The following MSH4 variants were observed in gnomAD, a reference collection of about 807,000 sequenced individuals.
The protein encoded by MSH4 is mutS homolog 4.
A neutral mutation model predicts 113.7 loss-of-function variants in MSH4; 106 were observed. The ratio of observed to expected loss-of-function variants is 0.93; its 90% CI spans 0.80 to 1.10. MSH4 has a LOEUF of 1.10. Ranked by LOEUF, MSH4 falls within the 50% of genes least tolerant of loss-of-function variation. MSH4 has a pLI of 0.00. For synonymous variants in MSH4, 368 were observed against 380.2 expected (o/e 0.97, Z 0.37); for missense variants, 1,061 against 1,093.7 (o/e 0.97, Z 0.42).
At chr1:75,811,504 G>C (rs1344248198) in intron 4 of MSH4, among the ~76,000 whole-genome samples, 1 of 152,158 alleles carries the variant, frequency 6.6e-6, no homozygotes, top group Admixed American at 6.5e-5. Flanking sequence ...GAAGTTCTTA[G>C]GGGATAGCAG....
intron 14 of MSH4, among the ~76,000 whole-genome samples, chr1:75,883,126 C>G (rs1651971949): frequency 6.6e-6 from 1 of 151,756 alleles, no homozygotes; most frequent in African/African-American, 2.4e-5. Context: ...TATCTCAACC[C>G]CACAAGTAGC....
intron 8 of MSH4, among the ~76,000 whole-genome samples, chr1:75,865,762 T>G (rs1651549579): frequency 6.6e-6 from 1 of 152,194 alleles, no homozygotes; most frequent in Non-Finnish European, 1.5e-5. Flanking sequence ...AAAAGTTAAT[T>G]AGAACACACA....
In MSH4 at chr1:75,806,235, G is replaced by GTT. The variant is rs775023850; in HGVS notation, c.428-717_428-716dup. On this transcript the variant is annotated intron_variant, in intron 2 of 19. Coordinates refer to ENST00000263187, the MANE Select transcript of MSH4 (RefSeq NM_002440.4). ...AATATTTTGATGACTTTTCTGTTTGGTTTTTTTTTTTTTTTTTTTTTTTTT... is the reference window on the plus strand; with the variant it reads ...AATATTTTGATGACTTTTCTGTTTGGTTTTTTTTTTTTTTTTTTTTTTTTTTT... Among the ~76,000 whole-genome samples, 70 of 60,778 alleles carry GTT rather than the reference G, an allele frequency of 1.2e-3. 5 individuals carry two copies. The highest frequency in any genetic ancestry group is 3.3e-3 in the East Asian group (6 of 1,836). The allele number at this position is 60,778 out of a possible 152,430, so 39.9% of individuals were successfully genotyped here. A position where few individuals can be genotyped will look rare whatever the true frequency, so the allele number is the denominator to read the frequency against.
At chr1:75,852,991 T>A (rs1291865991) in intron 8 of MSH4, among the ~76,000 whole-genome samples, 1 of 152,144 alleles carries the variant, frequency 6.6e-6, no homozygotes, top group Non-Finnish European at 1.5e-5. Flanking sequence ...AATTATTACG[T>A]TATACAGAGC....
At chr1:75,885,059 G>GTATGTATATATATATATATATATATATA (rs1652039733) in intron 15 of MSH4, among the ~76,000 whole-genome samples, 1 of 112,562 alleles carries the variant, frequency 8.9e-6, no homozygotes, top group African/African-American at 4.1e-5. Context: ...GTGTGTGTGT[G>GTATGTATATATATATATATATATATATA]TATATATATA....
At chr1:75,813,176 A>G (rs1650224078) in intron 4 of MSH4, among the ~76,000 whole-genome samples, 1 of 152,158 alleles carries the variant, frequency 6.6e-6, no homozygotes. Context: ...AATTCCAGGG[A>G]AGGATGCTGA....
intron 7 of MSH4, among the ~76,000 whole-genome samples, chr1:75,824,288 C>T (rs1650496050): frequency 6.6e-6 from 1 of 152,082 alleles, no homozygotes; most frequent in Non-Finnish European, 1.5e-5. Flanking sequence ...TGAGAAGTGT[C>T]TGTTCATATC....
chr1:75,860,670 G>T (rs1323180806), intron 8 of MSH4, among the ~76,000 whole-genome samples: 1 of 152,182 alleles, frequency 6.6e-6, no homozygotes, highest in Non-Finnish European at 1.5e-5. Flanking sequence ...TGGGTAACCT[G>T]ACCTTTCTCT....
intron 19 of MSH4, among the ~76,000 whole-genome samples, chr1:75,906,239 T>G (rs1231596449): frequency 6.6e-6 from 1 of 150,836 alleles, no homozygotes; most frequent in Admixed American, 6.7e-5. Context: ...GTCTTGTTTT[T>G]TTAATCCATT....
chr1:75,907,684 C>CTCTCTCTCTACATATATATA (rs1307238647), intron 19 of MSH4, among the ~76,000 whole-genome samples: 2 of 46,574 alleles, frequency 4.3e-5, no homozygotes, highest in Non-Finnish European at 7.4e-5. Context: ...CTCTCTCTCT[C>CTCTCTCTCTACATATATATA]TATACATATA....
At chr1:75,829,265 G>A (rs1209267503) in intron 7 of MSH4, among the ~76,000 whole-genome samples, 1 of 152,040 alleles carries the variant, frequency 6.6e-6, no homozygotes, top group African/African-American at 2.4e-5. Context: ...TGAGGCTTGA[G>A]TAGGTAAACA....
intron 2 of MSH4, among the ~76,000 whole-genome samples, chr1:75,805,851 A>T (rs1286787878): frequency 1.3e-5 from 2 of 151,938 alleles, no homozygotes; most frequent in African/African-American, 2.4e-5. Flanking sequence ...TTTAGTAATC[A>T]TCATCATCAT....
At chr1:75,896,002 C>T (rs1353239904) in intron 17 of MSH4, among the ~76,000 whole-genome samples, 6 of 151,990 alleles carry the variant, frequency 3.9e-5, no homozygotes, top group African/African-American at 1.4e-4. Flanking sequence ...TCTGTAAGGG[C>T]ATTTCTGGAT....
rs762562046 is a variant in MSH4, at chr1:75,857,150, G to C, written c.1230+8874G>C. Among the ~76,000 whole-genome samples, 4 of 152,132 alleles carry C rather than the reference G, an allele frequency of 2.6e-5. No individual in the cohort carries two copies. In the South Asian group the frequency reaches 8.3e-4, roughly 32 times the overall value. On this transcript the variant is annotated intron_variant, in intron 8 of 19. Transcript: ENST00000263187. ...TGATGGGGTTGTTTGCTTTTTTCTT[G>C]TAAATTTCTTTAAGTTATTTCTAGA...
At chr1:75,885,540 A>G (rs1487019383) in intron 15 of MSH4, among the ~76,000 whole-genome samples, 1 of 116,980 alleles carries the variant, frequency 8.5e-6, no homozygotes, top group Non-Finnish European at 1.7e-5. Flanking sequence ...ACATTTATAT[A>G]ATGAAGGTAA....
rs562978533 is a variant in MSH4, at chr1:75,814,947, T to C, written c.700-74T>C. 3.7e-5 allele frequency: 28 copies of C among 755,772 alleles called. No individual in the cohort carries two copies. The African/African-American group carries it at 4.7e-4, about 13-fold the overall frequency. The allele number at this position is 755,772 out of a possible 1,614,324, so 46.8% of individuals were successfully genotyped here. On this transcript the variant is annotated intron_variant, in intron 4 of 19. Coordinates refer to ENST00000263187, the MANE Select transcript of MSH4 (RefSeq NM_002440.4). ...CAATATTTAAGCCACTTACCTAGCA[T>C]GTGTTTAAGAAAGCAGTTTTGGGCA...
rs5745474 is a variant in MSH4, at chr1:75,882,124, T to C, written c.1906+754T>C. ...TTCTTATGGAAATATTAACTTTTTC[T>C]ATTGGTATTTTATAGGCCAAAACTT... On this transcript the variant is annotated intron_variant, in intron 14 of 19. Transcript: ENST00000263187. 2.4e-4 allele frequency among the ~76,000 whole-genome samples: 37 copies of C among 152,220 alleles called. No individual in the cohort carries two copies. In the East Asian group the frequency reaches 5.6e-3, roughly 23 times the overall value.
chr1:75,851,246 T>A (rs2100548216), intron 8 of MSH4, among the ~76,000 whole-genome samples: 1 of 152,052 alleles, frequency 6.6e-6, no homozygotes, highest in South Asian at 2.1e-4. Context: ...TTCTCATCTG[T>A]TTGCTCCCTT....
At chr1:75,831,169 A>G (rs974902804) in intron 7 of MSH4, among the ~76,000 whole-genome samples, 19 of 152,324 alleles carry the variant, frequency 1.2e-4, no homozygotes, top group African/African-American at 4.6e-4. Context: ...TTTTAAACCA[A>G]CAAAGATCAA....
Sources: gnomAD v4.1 joint callset for allele counts (sites outside exome capture counted in the v4.1 genomes callset) on GRCh38, gnomAD v4.1.1 for gene constraint, MANE v1.5 for transcripts, NCBI Gene and HGNC (gene_info 2026-07-23, HGNC 2026-07-21) for gene names.